ZHX3: variants seen among roughly 807,000 people sequenced by gnomAD.
ZHX3 encodes zinc fingers and homeoboxes protein 3.
A neutral mutation model predicts 64.5 loss-of-function variants in ZHX3; 20 were observed. The observed-to-expected ratio is 0.31, with a 90% CI of 0.22 to 0.45. ZHX3 has a LOEUF of 0.45. ZHX3 is among the 20% of genes least tolerant of loss of function. The probability of loss-of-function intolerance (pLI) is 1.00; values close to 1 mark genes in which losing one functional copy is unlikely to be tolerated. For synonymous variants in ZHX3, 423 were observed against 461.6 expected (o/e 0.92, Z 1.07); for missense variants, 1,041 against 1,195.8 (o/e 0.87, Z 1.91).
intron 1 of ZHX3, among the ~76,000 whole-genome samples, chr20:41,297,163 G>A (rs1410157916): frequency 2.6e-5 from 4 of 152,198 alleles, no homozygotes; most frequent in African/African-American, 9.7e-5. Context: ...CAAGGAGAAT[G>A]GCAGTTCTGG....
At chr20:41,298,622 A>G (rs1319506567) in intron 1 of ZHX3, among the ~76,000 whole-genome samples, 1 of 152,258 alleles carries the variant, frequency 6.6e-6, no homozygotes, top group African/African-American at 2.4e-5. Flanking sequence ...TAGATGTTTT[A>G]GAACCTACAT....
At chr20:41,218,195 G>T (rs2039681441) in intron 2 of ZHX3, among the ~76,000 whole-genome samples, 1 of 151,358 alleles carries the variant, frequency 6.6e-6, no homozygotes. Context: ...TGCAATCCCA[G>T]CACTTTGGGA....
At position 41,185,213 on chromosome 20, in the gene ZHX3, A is replaced by T; in HGVS notation, c.2861-12T>A. On this transcript the variant is annotated splice_polypyrimidine_tract_variant and intron_variant, in intron 3 of 3. Coordinates refer to ENST00000683867, the MANE Select transcript of ZHX3 (RefSeq NM_001384317.1). The surrounding 1 kb of genome is among the most constrained non-coding windows in gnomAD (Gnocchi z 5.0). ...AATTCAGTCTGTTTCTGAGAAGAAAACACATGCCTGTCACTCTACGGCAGC... is the reference window on the plus strand; with the variant it reads ...AATTCAGTCTGTTTCTGAGAAGAAATCACATGCCTGTCACTCTACGGCAGC... The T allele has an allele frequency of 6.2e-7, 1 of 1,602,628 alleles. No homozygotes were observed. Among genetic ancestry groups the T allele is most frequent in the Non-Finnish European group, 8.5e-7 (1 of 1,172,790 alleles).
At chr20:41,244,042 C>T (rs910432661) in intron 2 of ZHX3, among the ~76,000 whole-genome samples, 2 of 152,038 alleles carry the variant, frequency 1.3e-5, no homozygotes, top group Admixed American at 6.6e-5. Context: ...GCTAGATAAT[C>T]CTATGTGCTG....
At chr20:41,259,572 C>T (rs938004794) in intron 2 of ZHX3, among the ~76,000 whole-genome samples, 1 of 152,060 alleles carries the variant, frequency 6.6e-6, no homozygotes, top group Non-Finnish European at 1.5e-5. Flanking sequence ...TAGAAAGACT[C>T]CCATGATATA....
intron 1 of ZHX3, among the ~76,000 whole-genome samples, chr20:41,276,059 T>C (rs2043362369): frequency 6.6e-6 from 1 of 152,146 alleles, no homozygotes; most frequent in Non-Finnish European, 1.5e-5. Flanking sequence ...AGGAATGAGA[T>C]AGGAGAGGAG....
At chr20:41,198,625 T>C (rs889504050) in intron 3 of ZHX3, among the ~76,000 whole-genome samples, 2 of 152,144 alleles carry the variant, frequency 1.3e-5, no homozygotes, top group African/African-American at 4.8e-5. Flanking sequence ...GCTTTCAAAA[T>C]CCTGTCTTCA....
At chr20:41,282,376 T>TTTTTTTTTTTTG in intron 1 of ZHX3, among the ~76,000 whole-genome samples, 1 of 145,120 alleles carries the variant, frequency 6.9e-6, no homozygotes, top group Admixed American at 6.8e-5. Flanking sequence ...TTTTTTTTTT[T>TTTTTTTTTTTTG]TTTTGCGAAG....
intron 1 of ZHX3, among the ~76,000 whole-genome samples, chr20:41,312,985 A>G (rs2045185188): frequency 6.6e-6 from 1 of 152,194 alleles, no homozygotes; most frequent in Non-Finnish European, 1.5e-5. Context: ...GGAATCATCC[A>G]TCTGAGAGAG....
At chr20:41,189,741 T>C in intron 3 of ZHX3, among the ~76,000 whole-genome samples, 1 of 152,330 alleles carries the variant, frequency 6.6e-6, no homozygotes, top group Non-Finnish European at 1.5e-5. Flanking sequence ...TGGAGCATTT[T>C]TGGTTTTTCT....
In ZHX3 at chr20:41,180,366, T is replaced by C. The variant is rs1348926641; in HGVS notation, c.*4825A>G. ...TTGAGGAAGGGGGTGCTTTCCCCTG[T>C]CCTTGTCCATATGGTAACCAGGGTC... On this transcript the variant is annotated 3_prime_UTR_variant, in exon 4 of 4. Coordinates refer to ENST00000683867, the MANE Select transcript of ZHX3 (RefSeq NM_001384317.1). 1 of 152,496 alleles carries C rather than the reference T, an allele frequency of 6.6e-6. No homozygotes were observed. The highest frequency in any genetic ancestry group is 1.5e-5 in the Non-Finnish European group (1 of 68,110). 9.4% of individuals were successfully genotyped at this position (152,496 alleles called of 1,614,324 possible). A position where few individuals can be genotyped will look rare whatever the true frequency, so the allele number is the denominator to read the frequency against.
In ZHX3 at chr20:41,180,075, T is replaced by C. The variant is rs1489457234; in HGVS notation, c.*5116A>G. On this transcript the variant is annotated 3_prime_UTR_variant, in exon 4 of 4. Transcript: ENST00000683867. Reference sequence around the variant, plus strand: ...GAACACACGTTTCAAGCCAGTCTCCTGAAGGAAGAGGCACTAATGGCAGGT... The same window carrying C: ...GAACACACGTTTCAAGCCAGTCTCCCGAAGGAAGAGGCACTAATGGCAGGT... 2.6e-5 allele frequency: 4 copies of C among 152,734 alleles called. No homozygotes were observed. The highest frequency in any genetic ancestry group is 9.6e-5 in the African/African-American group (4 of 41,476). The allele number at this position is 152,734 out of a possible 1,614,324, so 9.5% of individuals were successfully genotyped here.
chr20:41,313,896 T>C lies in ZHX3; in HGVS notation c.-245+3613A>G, dbSNP rs7265105. On this transcript the variant is annotated intron_variant, in intron 1 of 3. Transcript: ENST00000683867. Reference sequence around the variant, plus strand: ...CAGGCATGAGCCACCACGCCCAGCCTCCTTTTAGGCCTTTAAGAAAATAAT... The same window carrying C: ...CAGGCATGAGCCACCACGCCCAGCCCCCTTTTAGGCCTTTAAGAAAATAAT... 5.0e-3 allele frequency among the ~76,000 whole-genome samples: 762 copies of C among 152,232 alleles called. 2 individuals carry two copies. Among genetic ancestry groups the C allele is most frequent in the Non-Finnish European group, 7.9e-3 (540 of 68,024 alleles).
At chr20:41,300,700 T>C (rs987598566) in intron 1 of ZHX3, among the ~76,000 whole-genome samples, 1 of 152,024 alleles carries the variant, frequency 6.6e-6, no homozygotes, top group Non-Finnish European at 1.5e-5. Flanking sequence ...GAAAGGCAAG[T>C]AGTGTTGGCC....
chr20:41,292,328 A>G (rs1012071678), intron 1 of ZHX3, among the ~76,000 whole-genome samples: 12 of 152,328 alleles, frequency 7.9e-5, no homozygotes, highest in Non-Finnish European at 1.8e-4. Context: ...GTCCTGTCCC[A>G]CTGACCAGGT....
intron 2 of ZHX3, among the ~76,000 whole-genome samples, chr20:41,255,651 G>A (rs1446946015): frequency 2.0e-5 from 3 of 152,120 alleles, no homozygotes; most frequent in South Asian, 2.1e-4. Context: ...TAAATAATAC[G>A]TCCCAGAGCC....
At chr20:41,305,893 T>C (rs984380013) in intron 1 of ZHX3, among the ~76,000 whole-genome samples, 2 of 152,178 alleles carry the variant, frequency 1.3e-5, no homozygotes, top group Non-Finnish European at 2.9e-5. Flanking sequence ...AGTAATCTTC[T>C]ACTATTTACA....
At position 41,237,782 on chromosome 20, in the gene ZHX3, G is replaced by A. The variant is rs969576346; in HGVS notation, c.-151+31208C>T. On this transcript the variant is annotated intron_variant, in intron 2 of 3. Transcript: ENST00000683867. ...AATTAAAAAAATAAAATAAAATAAA[G>A]AAAATATGTTTTATTAACAAACAGC... 4.3e-4 allele frequency among the ~76,000 whole-genome samples: 65 copies of A among 152,102 alleles called. 1 individual carries two copies. Among genetic ancestry groups the A allele is most frequent in the Non-Finnish European group, 6.9e-4 (47 of 67,994 alleles).
chr20:41,263,291 A>G (rs868597096), intron 2 of ZHX3, among the ~76,000 whole-genome samples: 3 of 152,322 alleles, frequency 2.0e-5, no homozygotes, highest in Middle Eastern at 6.8e-3. Flanking sequence ...TAGACCACGA[A>G]AAAAGAATAG....
Sources: allele counts gnomAD v4.1 joint callset (sites outside exome capture counted in the v4.1 genomes callset), GRCh38; gene constraint gnomAD v4.1.1; non-coding constraint Gnocchi (gnomAD v3.1); transcripts MANE v1.5; gene names NCBI Gene and HGNC (gene_info 2026-07-23, HGNC 2026-07-21).